PAPPA2: variants seen among roughly 807,000 people sequenced by gnomAD.
PAPPA2 encodes pappalysin 2.
PAPPA2 carries 86 observed loss-of-function variants against 176.4 expected under a neutral mutation model. The ratio of observed to expected loss-of-function variants is 0.49; its 90% CI spans 0.41 to 0.58. The LOEUF is 0.58. Among genes scored for constraint, PAPPA2 ranks in the 20% least tolerant of loss-of-function variants. PAPPA2 has a pLI of 0.00. For missense variants in PAPPA2, 2,073 were observed against 2,256.9 expected (o/e 0.92, Z 1.65); for synonymous variants, 809 against 852.2 (o/e 0.95, Z 0.88).
intron 4 of PAPPA2, among the ~76,000 whole-genome samples, chr1:176,688,757 G>T (rs1275835337): frequency 6.6e-6 from 1 of 152,148 alleles, no homozygotes; most frequent in Admixed American, 6.5e-5. Context: ...GTCCTGTGTA[G>T]TACAGTAGTC....
intron 1 of PAPPA2, among the ~76,000 whole-genome samples, chr1:176,541,167 T>A (rs531995753): frequency 6.6e-6 from 1 of 152,188 alleles, no homozygotes; most frequent in African/African-American, 2.4e-5. Flanking sequence ...CATCTGTGTA[T>A]ATATAGGGGA....
At chr1:176,571,617 C>G (rs1394707965) in intron 2 of PAPPA2, among the ~76,000 whole-genome samples, 1 of 152,192 alleles carries the variant, frequency 6.6e-6, no homozygotes, top group Non-Finnish European at 1.5e-5. Context: ...TCCTCAGTCC[C>G]AAGGCCTTCT....
intron 10 of PAPPA2, among the ~76,000 whole-genome samples, chr1:176,707,159 A>G (rs1660914820): frequency 6.6e-6 from 1 of 152,224 alleles, no homozygotes; most frequent in African/African-American, 2.4e-5. Flanking sequence ...GATTTGGTAG[A>G]GGATAACCAC....
intron 12 of PAPPA2, among the ~76,000 whole-genome samples, chr1:176,732,849 A>C (rs1358684906): frequency 1.3e-5 from 2 of 152,326 alleles, no homozygotes; most frequent in East Asian, 3.9e-4. Context: ...AGTACAGCAG[A>C]GATACCCAAC....
intron 1 of PAPPA2, among the ~76,000 whole-genome samples, chr1:176,517,913 A>G (rs1649004120): frequency 1.3e-5 from 2 of 152,168 alleles, no homozygotes; most frequent in Admixed American, 6.6e-5. Flanking sequence ...CAGTAGTTCT[A>G]GAGTTGCCTT....
At chr1:176,529,266 A>G (rs1649663289) in intron 1 of PAPPA2, among the ~76,000 whole-genome samples, 1 of 152,160 alleles carries the variant, frequency 6.6e-6, no homozygotes, top group South Asian at 2.1e-4. Context: ...GAGTGCAGCC[A>G]GCAGCCCATT....
At chr1:176,717,413 C>T (rs1661427402) in intron 12 of PAPPA2, among the ~76,000 whole-genome samples, 1 of 152,192 alleles carries the variant, frequency 6.6e-6, no homozygotes, top group South Asian at 2.1e-4. Flanking sequence ...ACTCCTTGCC[C>T]CTTTTCCAGA....
chr1:176,528,849 G>A (rs11577943), intron 1 of PAPPA2, among the ~76,000 whole-genome samples: 16,406 of 152,106 alleles, frequency 0.11, 940 homozygotes, highest in Middle Eastern at 0.2. Context: ...CCTTCTCCCT[G>A]GAATGCCCTT....
chr1:176,564,935 T>A (rs1651877549), intron 2 of PAPPA2, among the ~76,000 whole-genome samples: 1 of 152,088 alleles, frequency 6.6e-6, no homozygotes, highest in Non-Finnish European at 1.5e-5. Flanking sequence ...CCCACTTCCC[T>A]CCCCTCCTTT....
rs778670685 is a variant in PAPPA2, at chr1:176,739,962, A to G, written c.3935-18A>G. The G allele has an allele frequency of 3.1e-6, 5 of 1,610,558 alleles. No homozygotes were observed. The highest frequency in any genetic ancestry group is 1.7e-5 in the Admixed American group (1 of 59,946). ...CTAACAATGGCTGAAAATATGATTCATCTCCGTTTATCTTCAGGAACCTAT... is the reference window on the plus strand; with the variant it reads ...CTAACAATGGCTGAAAATATGATTCGTCTCCGTTTATCTTCAGGAACCTAT... On this transcript the variant is annotated intron_variant, in intron 13 of 22. Coordinates refer to ENST00000367662, the MANE Select transcript of PAPPA2 (RefSeq NM_020318.3).
chr1:176,479,136 T>A (rs1652269023), intron 1 of PAPPA2, among the ~76,000 whole-genome samples: 1 of 152,192 alleles, frequency 6.6e-6, no homozygotes, highest in Non-Finnish European at 1.5e-5. Flanking sequence ...AGGTAGATAC[T>A]ATTATCCCCA....
intron 17 of PAPPA2, among the ~76,000 whole-genome samples, chr1:176,774,204 C>G (rs989975434): frequency 6.6e-6 from 1 of 151,946 alleles, no homozygotes; most frequent in Admixed American, 6.6e-5. Context: ...TCTCTGAGTT[C>G]TCTTTTCCAA....
At chr1:176,498,781 A>C (rs1028445965) in intron 1 of PAPPA2, among the ~76,000 whole-genome samples, 6 of 151,890 alleles carry the variant, frequency 4.0e-5, no homozygotes, top group Admixed American at 6.6e-5. Flanking sequence ...AAGAAATCTG[A>C]AGCTACAGGT....
At chr1:176,593,096 C>G (rs1198773363) in intron 2 of PAPPA2, among the ~76,000 whole-genome samples, 3 of 152,154 alleles carry the variant, frequency 2.0e-5, no homozygotes, top group African/African-American at 7.2e-5. Context: ...GTTAGAATTA[C>G]TGGGTTAGGG....
intron 17 of PAPPA2, among the ~76,000 whole-genome samples, chr1:176,777,827 C>T (rs938177979): frequency 6.6e-6 from 1 of 152,030 alleles, no homozygotes; most frequent in African/African-American, 2.4e-5. Context: ...TTATCATCAT[C>T]ACCATCATCA....
At chr1:176,519,680 T>C (rs1464336892) in intron 1 of PAPPA2, among the ~76,000 whole-genome samples, 1 of 152,188 alleles carries the variant, frequency 6.6e-6, no homozygotes, top group Non-Finnish European at 1.5e-5. Context: ...AGAAACAACA[T>C]GACTGCCTAT....
intron 17 of PAPPA2, among the ~76,000 whole-genome samples, chr1:176,788,387 G>A (rs1665033620): frequency 6.6e-6 from 1 of 152,190 alleles, no homozygotes; most frequent in African/African-American, 2.4e-5. Flanking sequence ...ACTATAGTCA[G>A]TTAGAAGACA....
At chr1:176,648,129 G>GT (rs1239474600) in intron 3 of PAPPA2, among the ~76,000 whole-genome samples, 1 of 151,232 alleles carries the variant, frequency 6.6e-6, no homozygotes, top group African/African-American at 2.4e-5. Context: ...GTTTTTTATA[G>GT]TTTTTTGTAT....
At chr1:176,758,850 C>A (rs747360193) in intron 14 of PAPPA2, among the ~76,000 whole-genome samples, 48 of 152,284 alleles carry the variant, frequency 3.2e-4, no homozygotes, top group Middle Eastern at 6.8e-3. Context: ...GCACTCCCAC[C>A]CCAATACCAC....
Sources: gnomAD v4.1 joint callset for allele counts (sites outside exome capture counted in the v4.1 genomes callset) on GRCh38, gnomAD v4.1.1 for gene constraint, MANE v1.5 for transcripts, NCBI Gene and HGNC (gene_info 2026-07-23, HGNC 2026-07-21) for gene names.